Variants in BIRC2 observed in about 807,000 individuals in gnomAD.
BIRC2 encodes the protein baculoviral IAP repeat containing 2.
A neutral mutation model predicts 60.9 loss-of-function variants in BIRC2; 18 were observed. The ratio of observed to expected loss-of-function variants is 0.30; its 90% confidence interval spans 0.20 to 0.44. The LOEUF (loss-of-function observed/expected upper bound fraction) is 0.44, where lower values mean the gene tolerates loss of function less well. Among genes scored for constraint, BIRC2 ranks in the 20% least tolerant of loss-of-function variants. The probability of loss-of-function intolerance (pLI) is 1.00; values close to 1 mark genes in which losing one functional copy is unlikely to be tolerated. For missense variants in BIRC2, 701 were observed against 728.5 expected, an observed-to-expected ratio of 0.96 and a Z score of 0.43; for synonymous variants, 282 against 247.7, an observed-to-expected ratio of 1.14 and a Z score of -1.30.
At position 102,350,769 on chromosome 11, in the gene BIRC2, ACATTTTAT is replaced by A. The variant is rs1426589338; in HGVS notation, c.895+29_895+36del. On this transcript the variant is annotated intron_variant, in intron 2 of 8. Coordinates refer to ENST00000227758, the MANE Select transcript of BIRC2 (RefSeq NM_001166.5). ...ATGTGGGTAAGAAGCAAATAACTATACATTTTATCATTTTATTTTAATTTACATATTAG... is the reference window on the plus strand; with the variant it reads ...ATGTGGGTAAGAAGCAAATAACTATACATTTTATTTTAATTTACATATTAG... 6.2e-7 allele frequency: 1 copy of A among 1,603,142 alleles called. No homozygotes were observed. Among genetic ancestry groups the A allele is most frequent in the East Asian group, 2.2e-5 (1 of 44,836 alleles).
chr11:102,350,941 A>G lies in BIRC2; in HGVS notation c.993A>G (p.Pro331=). The G allele has an allele frequency of 6.2e-7, 1 of 1,612,982 alleles. No individual in the cohort carries two copies. The highest frequency in any genetic ancestry group is 8.5e-7 in the Non-Finnish European group (1 of 1,179,524). The change falls in exon 3 of 9, where the codon CCA becomes CCG. Residue 331 remains proline (P), a splice_region_variant and synonymous_variant. Transcript: ENST00000227758. ...DPWVEHAKWF[P]RCEFLIRMKG... Reference sequence around the variant, plus strand: ...GGGTAGAACATGCCAAGTGGTTTCCAAGGTAATTGTTTTGAAAAAGGTATT... The same window carrying G: ...GGGTAGAACATGCCAAGTGGTTTCCGAGGTAATTGTTTTGAAAAAGGTATT...
chr11:102,350,999 G>C (rs1278127785), intron 3 of BIRC2, 56 bp downstream of exon 3: 1 of 1,517,916 alleles, frequency 6.6e-7, no homozygotes, highest in East Asian at 2.3e-5. Flanking sequence ...AAAGAAGTAG[G>C]CATGCCTACA....
intron 6 of BIRC2, among the ~76,000 whole-genome samples, chr11:102,370,107 T>C (rs1386743130): frequency 5.3e-5 from 8 of 150,336 alleles, no homozygotes; most frequent in African/African-American, 1.5e-4. Context: ...TTCTCCCATT[T>C]TGTAGGTTGC....
chr11:102,356,462 C>G (rs1038228949), intron 3 of BIRC2, among the ~76,000 whole-genome samples: 5 of 151,962 alleles, frequency 3.3e-5, no homozygotes, highest in Non-Finnish European at 7.4e-5. Flanking sequence ...TCCCAAATTG[C>G]TGGGATTAGA....
chr11:102,350,552 A>G lies in BIRC2; in HGVS notation c.698A>G (p.Lys233Arg). ...GGGAAGCTCAGTAACTGGGAACCAA[A>G]GGATGATGCTATGTCAGAACACCGG... is the stretch of plus-strand genomic sequence containing the variant. ...CGGKLSNWEP[K>R]DDAMSEHRRH... The change falls in exon 2 of 9, where the codon AAG becomes AGG. Residue 233 changes from lysine to arginine, a missense_variant. Coordinates refer to ENST00000227758, the MANE Select transcript of BIRC2 (RefSeq NM_001166.5). 6.2e-7 allele frequency: 1 copy of G among 1,614,238 alleles called. No homozygotes were observed. Among genetic ancestry groups the G allele is most frequent in the Non-Finnish European group, 8.5e-7 (1 of 1,180,038 alleles).
intron 4 of BIRC2, 83 bp downstream of exon 4, chr11:102,363,057 T>C: frequency 9.1e-7 from 1 of 1,103,852 alleles, no homozygotes. Context: ...AAAGTGATCA[T>C]GATTTTTGCC....
At chr11:102,375,040 G>A (rs76234577) in intron 6 of BIRC2, among the ~76,000 whole-genome samples, 3 of 152,188 alleles carry the variant, frequency 2.0e-5, no homozygotes, top group East Asian at 1.9e-4. Flanking sequence ...CACGGTGCGC[G>A]CACCCACTGG....
rs914246106 is a variant in BIRC2 at position 102,347,341 on chromosome 11, C to G, written c.-1293C>G. 2.0e-5 allele frequency: 3 copies of G among 152,322 alleles called. No individual in the cohort carries two copies. The highest frequency in any genetic ancestry group is 7.2e-5 in the African/African-American group (3 of 41,468). 9.4% of individuals were successfully genotyped at this position (152,322 alleles called of 1,614,324 possible). On this transcript the variant is annotated 5_prime_UTR_variant, in exon 1 of 9. Transcript: ENST00000227758. ...CGGCTCTGCGGAGGCCTCTAGGCAG[C>G]CGCGCAGCTTCCGTGTTTGCTGCGC...
At chr11:102,361,140 G>A (rs1051398597) in intron 3 of BIRC2, among the ~76,000 whole-genome samples, 1 of 152,198 alleles carries the variant, frequency 6.6e-6, no homozygotes, top group Non-Finnish European at 1.5e-5. Context: ...GTCTCTGATG[G>A]CGTGGACACC....
Position 102,377,504 on chromosome 11 carries a change from T to C in BIRC2, c.1375T>C (p.Ser459Pro). Reference protein sequence around the residue: ...QAEEMASDDLSLIRKNRMALF... With the variant: ...QAEEMASDDLPLIRKNRMALF... ...TTCTTTTTTTAATGAAGATGATTTG[T>C]CATTAATTCGGAAGAACAGAATGGC... The change falls in exon 7 of 9, where the codon TCA becomes CCA. Residue 459 changes from serine to proline, a missense_variant. This residue lies in a region of BIRC2 where 235 missense variants were observed against 208.9 expected (regional missense o/e 1.12). Transcript: ENST00000227758. 1 of 1,589,092 alleles carries C rather than the reference T, an allele frequency of 6.3e-7. No individual in the cohort carries two copies. The highest frequency in any genetic ancestry group is 8.5e-7 in the Non-Finnish European group (1 of 1,174,320).
At chr11:102,374,502 A>T (rs1304437003) in intron 6 of BIRC2, among the ~76,000 whole-genome samples, 63 of 150,682 alleles carry the variant, frequency 4.2e-4, no homozygotes, top group African/African-American at 1.5e-3. Flanking sequence ...TCAGGGACCC[A>T]CTTGAGGAGG....
At chr11:102,360,116 A>C (rs1951469250) in intron 3 of BIRC2, among the ~76,000 whole-genome samples, 1 of 151,850 alleles carries the variant, frequency 6.6e-6, no homozygotes, top group East Asian at 1.9e-4. Context: ...ACAGGTGTGC[A>C]CCACCATGCC....
chr11:102,378,582 G>C lies in BIRC2; in HGVS notation c.*399G>C, dbSNP rs1951739699. Reference sequence around the variant, plus strand: ...GTTATGGTGCCGAATTGTCTTTGGTGCTTTTCACTTGTGTTTTAAAATAAG... The same window carrying C: ...GTTATGGTGCCGAATTGTCTTTGGTCCTTTTCACTTGTGTTTTAAAATAAG... On this transcript the variant is annotated 3_prime_UTR_variant, in exon 9 of 9. Transcript: ENST00000227758. 1 of 153,990 alleles carries C rather than the reference G, an allele frequency of 6.5e-6. No individual in the cohort carries two copies. 9.5% of individuals were successfully genotyped at this position (153,990 alleles called of 1,614,324 possible).
intron 3 of BIRC2, among the ~76,000 whole-genome samples, chr11:102,359,084 A>G (rs140288208): frequency 2.4e-4 from 36 of 152,106 alleles, no homozygotes; most frequent in African/African-American, 7.2e-4. Flanking sequence ...CTGTGGTGGT[A>G]TGCTTTGATT....
In BIRC2 at chr11:102,378,292, A is replaced by G. The variant is rs1342641136; in HGVS notation, c.*109A>G. On this transcript the variant is annotated 3_prime_UTR_variant, in exon 9 of 9. Coordinates refer to ENST00000227758, the MANE Select transcript of BIRC2 (RefSeq NM_001166.5). Reference sequence around the variant, plus strand: ...AATTATGAGTTTTTCAATTAGTAACATTCATGTTCTAGTCTGCTTTGGTAC... The same window carrying G: ...AATTATGAGTTTTTCAATTAGTAACGTTCATGTTCTAGTCTGCTTTGGTAC... 4 of 845,018 alleles carry G rather than the reference A, an allele frequency of 4.7e-6. No individual in the cohort carries two copies. The East Asian group carries it at 1.1e-4, about 24-fold the overall frequency. 52.3% of individuals were successfully genotyped at this position (845,018 alleles called of 1,614,324 possible).
intron 3 of BIRC2, among the ~76,000 whole-genome samples, chr11:102,362,284 T>C (rs1951492886): frequency 6.6e-6 from 1 of 152,216 alleles, no homozygotes; most frequent in Non-Finnish European, 1.5e-5. Flanking sequence ...TTCTGTTGTA[T>C]AGTATCATTT....
intron 6 of BIRC2, among the ~76,000 whole-genome samples, chr11:102,370,040 A>G (rs1951609860): frequency 6.6e-6 from 1 of 151,982 alleles, no homozygotes; most frequent in South Asian, 2.1e-4. Context: ...AATTTGTTTG[A>G]GTTCATTGTA....
chr11:102,352,648 CTTG>C (rs1951376958), intron 3 of BIRC2, among the ~76,000 whole-genome samples: 1 of 152,028 alleles, frequency 6.6e-6, no homozygotes, highest in South Asian at 2.1e-4. Flanking sequence ...CCAGGCTGGT[CTTG>C]AACTCCTGAG....
At chr11:102,377,271 A>T (rs978978910) in intron 6 of BIRC2, among the ~76,000 whole-genome samples, 17 of 152,188 alleles carry the variant, frequency 1.1e-4, no homozygotes, top group Admixed American at 8.5e-4. Flanking sequence ...AATAAAGTAA[A>T]AGCGGAGTTC....
Sources: gnomAD v4.1 joint callset for allele counts (sites outside exome capture counted in the v4.1 genomes callset) on GRCh38, gnomAD v4.1.1 for gene constraint, gnomAD v4.1.1 regional missense constraint, MANE v1.5 for transcripts, NCBI Gene and HGNC (gene_info 2026-07-23, HGNC 2026-07-21) for gene names.